TELO2: variants seen among roughly 807,000 people sequenced by gnomAD.
TELO2 encodes telomere length regulation protein TEL2 homolog.
In TELO2, 71 loss-of-function variants were observed where a neutral mutation model predicts 91.0. That is an observed-to-expected ratio of 0.78 (90% CI 0.64 to 0.95). The LOEUF is 0.95. Among genes scored for constraint, TELO2 ranks in the 40% least tolerant of loss-of-function variants. TELO2 has a pLI of 0.00. For synonymous variants in TELO2, 584 were observed against 518.9 expected, an observed-to-expected ratio of 1.13 and a Z score of -1.71; for missense variants, 1,183 against 1,141.3, an observed-to-expected ratio of 1.04 and a Z score of -0.53.
At chr16:1,506,118 GC>G in intron 16 of TELO2, 119 bp from the exon 17 acceptor site, 6 of 1,110,936 alleles carry the variant, frequency 5.4e-6, no homozygotes, top group Non-Finnish European at 7.9e-6. Context: ...CGGAAGAGTA[GC>G]CCGGGGAGGC....
chr16:1,507,236 G>A, intron 18 of TELO2, 70 bp from the exon 19 acceptor site: 2 of 1,577,398 alleles, frequency 1.3e-6, no homozygotes, highest in Non-Finnish European at 1.7e-6. Flanking sequence ...AGCAGCGGAA[G>A]CCGCCCATGG....
intron 3 of TELO2, 84 bp downstream of exon 3, chr16:1,495,707 C>G: frequency 6.7e-7 from 1 of 1,497,970 alleles, no homozygotes; most frequent in Non-Finnish European, 8.9e-7. Context: ...CTCACGGCCT[C>G]TGGAGACTTT....
At chr16:1,496,545 G>A (rs192888981) in intron 3 of TELO2, among the ~76,000 whole-genome samples, 36 of 152,328 alleles carry the variant, frequency 2.4e-4, no homozygotes, top group African/African-American at 7.7e-4. Context: ...GTCCCCACGC[G>A]GCTCTGTGCT....
rs750760448 is a variant in TELO2, at chr16:1,506,997, C to T, written c.2172C>T (p.Leu724=). 31 of 1,612,092 alleles carry T rather than the reference C, an allele frequency of 1.9e-5. No homozygotes were observed. The highest frequency in any genetic ancestry group is 6.7e-5 in the African/African-American group (5 of 74,898). ...FDLLGEDQLV[L]GRLAHTLGAL... ...TCTTGGGAGAAGACCAGCTGGTTCT[C>T]GGAAGGCTGGCGCACACCTTAGGGG... The change falls in exon 18 of 21, where the codon CTC becomes CTT. Residue 724 remains leucine, a synonymous_variant. Coordinates refer to ENST00000262319, the MANE Select transcript of TELO2 (RefSeq NM_016111.4).
rs1596246433 is a variant in TELO2 at position 1,494,212 on chromosome 16, G to T, written c.-36-34G>T. On this transcript the variant is annotated intron_variant, in intron 1 of 20. Coordinates refer to ENST00000262319, the MANE Select transcript of TELO2 (RefSeq NM_016111.4). This position sits in a 1 kb window ranked among gnomAD's most constrained non-coding sequence, Gnocchi z 5.6. The stretch of plus-strand genomic sequence containing the variant: ...TCCTGAGCTTGTGTGGATTATTTCC[G>T]TGCCCCAAGCTGAGCCCTGTGTCCA... 1.4e-6 allele frequency: 2 copies of T among 1,459,944 alleles called. No individual in the cohort carries two copies. The highest frequency in any genetic ancestry group is 2.3e-5 in the East Asian group (1 of 43,294). The allele number at this position is 1,459,944 out of a possible 1,614,324, so 90.4% of individuals were successfully genotyped here.
In TELO2 at chr16:1,497,249, G is replaced by A; in HGVS notation, c.683-112G>A. 6.7e-7 allele frequency: 1 copy of A among 1,489,938 alleles called. No homozygotes were observed. The highest frequency in any genetic ancestry group is 1.3e-5 in the South Asian group (1 of 75,780). 92.3% of individuals were successfully genotyped at this position (1,489,938 alleles called of 1,614,324 possible). A position where few individuals can be genotyped will look rare whatever the true frequency, so the allele number is the denominator to read the frequency against. On this transcript the variant is annotated intron_variant, in intron 4 of 20. Coordinates refer to ENST00000262319, the MANE Select transcript of TELO2 (RefSeq NM_016111.4). The surrounding 1 kb of genome is among the most constrained non-coding windows in gnomAD (Gnocchi z 4.0). ...CTGTCCTGGGCCCGTGGGATCTGGG[G>A]CTCAGCTGTGCTTACTGGGGAGCTG...
intron 6 of TELO2, 76 bp from the exon 7 acceptor site, chr16:1,500,020 G>A: frequency 2.0e-6 from 3 of 1,513,240 alleles, no homozygotes; most frequent in Non-Finnish European, 2.7e-6. Flanking sequence ...TCCTGGCATG[G>A]CTCTTGGCCT....
chr16:1,495,843 A>G (rs1476722452), intron 3 of TELO2, among the ~76,000 whole-genome samples: 1 of 152,236 alleles, frequency 6.6e-6, no homozygotes, highest in Non-Finnish European at 1.5e-5. Flanking sequence ...TTGTCCCTGC[A>G]GTCCCTTGGG....
chr16:1,499,465 TG>T lies in TELO2; in HGVS notation c.933+134del, dbSNP rs2039600108. ...TGATTTGGCAGTGGCTGGCAGGAGT[TG>T]GCGAGGCGGTGGGTGCCTCCCTGCC... On this transcript the variant is annotated intron_variant, in intron 6 of 20. Transcript: ENST00000262319. The T allele has an allele frequency of 4.1e-6, 4 of 986,842 alleles. No individual in the cohort carries two copies. The African/African-American group carries it at 4.8e-5, about 12-fold the overall frequency. 61.1% of individuals were successfully genotyped at this position (986,842 alleles called of 1,614,324 possible). A position where few individuals can be genotyped will look rare whatever the true frequency, so the allele number is the denominator to read the frequency against.
At chr16:1,500,214 G>A (rs749775547) in intron 7 of TELO2, 50 bp downstream of exon 7, 13 of 1,557,162 alleles carry the variant, frequency 8.3e-6, no homozygotes, top group African/African-American at 4.1e-5. Context: ...GAGAAGAGCC[G>A]TGCGGGGCTC....
At chr16:1,501,880 CTTCTCT>C (rs2039699435) in intron 11 of TELO2, 107 bp downstream of exon 11, 1 of 1,456,156 alleles carries the variant, frequency 6.9e-7, no homozygotes, top group South Asian at 1.2e-5. Context: ...CTCCGTGCTT[CTTCTCT>C]TTCGTCCTCA....
At position 1,507,610 on chromosome 16, in the gene TELO2, C is replaced by G; in HGVS notation, c.2301C>G (p.Arg767=). ...ALRFHIDAYV[R]QGLLSAVSSV... Reference sequence around the variant, plus strand: ...GCCTTCTTGCCGGCAGCTACGTGCGCCAGGGGCTGTTGTCGGCCGTCTCCT... The same window carrying G: ...GCCTTCTTGCCGGCAGCTACGTGCGGCAGGGGCTGTTGTCGGCCGTCTCCT... The change falls in exon 20 of 21, where the codon CGC becomes CGG. Residue 767 remains arginine, a synonymous_variant. Coordinates refer to ENST00000262319, the MANE Select transcript of TELO2 (RefSeq NM_016111.4). The G allele has an allele frequency of 6.3e-7, 1 of 1,591,582 alleles. No individual in the cohort carries two copies.
At position 1,494,331 on chromosome 16, in the gene TELO2, A is replaced by G; in HGVS notation, c.50A>G (p.His17Arg). The G allele has an allele frequency of 6.2e-7, 1 of 1,613,418 alleles. No individual in the cohort carries two copies. The highest frequency in any genetic ancestry group is 1.1e-5 in the South Asian group (1 of 91,070). ...EVRLAVREAI[H>R]ALSSSEDGGH... ...CGACTCGCCGTCCGGGAAGCCATTC[A>G]TGCCCTCTCGTCTTCGGAGGATGGC... Residue 17 changes from histidine (H) to arginine (R), a missense_variant, in exon 2 of 21, where the codon CAT becomes CGT. Coordinates refer to ENST00000262319, the MANE Select transcript of TELO2 (RefSeq NM_016111.4). The surrounding 1 kb of genome is among the most constrained non-coding windows in gnomAD (Gnocchi z 5.6).
Position 1,494,307 on chromosome 16 carries a change from G to C in TELO2, c.26G>C (p.Arg9Pro), listed in dbSNP as rs756106416. The change falls in exon 2 of 21, where the codon CGA (arginine) becomes CCA (proline). Residue 9 changes from arginine to proline, a missense_variant. Physicochemically the swap from Arg to Pro is moderately radical, Grantham distance 103. Coordinates refer to ENST00000262319, the MANE Select transcript of TELO2 (RefSeq NM_016111.4). This position sits in a 1 kb window ranked among gnomAD's most constrained non-coding sequence, Gnocchi z 5.6. ...ATGGAGCCAGCACCCTCAGAGGTTCGACTCGCCGTCCGGGAAGCCATTCAT... is the reference window on the plus strand; with the variant it reads ...ATGGAGCCAGCACCCTCAGAGGTTCCACTCGCCGTCCGGGAAGCCATTCAT... The part of the protein sequence containing the change: MEPAPSEV[R>P]LAVREAIHAL... The C allele has an allele frequency of 1.2e-6, 2 of 1,613,186 alleles. No individual in the cohort carries two copies. Among genetic ancestry groups the C allele is most frequent in the Non-Finnish European group, 1.7e-6 (2 of 1,179,846 alleles).
chr16:1,499,006 C>T (rs1009320013), intron 5 of TELO2, among the ~76,000 whole-genome samples: 25 of 152,202 alleles, frequency 1.6e-4, no homozygotes, highest in East Asian at 1.9e-4. Flanking sequence ...GACCCGCCTC[C>T]GCCCGGGCTG....
chr16:1,495,151 G>T (rs1304781693), intron 2 of TELO2, among the ~76,000 whole-genome samples, 195 bp from the exon 3 acceptor site: 1 of 152,204 alleles, frequency 6.6e-6, no homozygotes, highest in African/African-American at 2.4e-5. Context: ...TCAGGGCCCC[G>T]AGAGCTCTCA....
Position 1,507,044 on chromosome 16 carries a change from A to C in TELO2, c.2219A>C (p.Asn740Thr), listed in dbSNP as rs762545502. 1 of 1,608,218 alleles carries C rather than the reference A, an allele frequency of 6.2e-7. No homozygotes were observed. The highest frequency in any genetic ancestry group is 1.7e-4 in the Middle Eastern group (1 of 5,976). ...GGGGCCCTGATGTGCCTGGCTGTTA[A>C]CACCACGGTGAGCCGGGAGAGGTCG... ...TLGALMCLAV[N>T]TTVAVAMGKA... The change falls in exon 18 of 21, where the codon AAC becomes ACC. Residue 740 changes from asparagine (N) to threonine (T), a missense_variant. By Grantham distance (65) the Asn-to-Thr change is moderately conservative. Transcript: ENST00000262319.
In TELO2 at chr16:1,505,171, C is replaced by G. The variant is rs921117462; in HGVS notation, c.1843-239C>G. ...CGTGGCTTTAGGATGAGGCTGCGCT[C>G]GGCCCTGGGCGTGTTCTCATCTCCT... On this transcript the variant is annotated intron_variant, in intron 15 of 20. Coordinates refer to ENST00000262319, the MANE Select transcript of TELO2 (RefSeq NM_016111.4). This position sits in a 1 kb window ranked among gnomAD's most constrained non-coding sequence, Gnocchi z 4.3. 5.8e-6 allele frequency: 3 copies of G among 516,982 alleles called. No homozygotes were observed. Among genetic ancestry groups the G allele is most frequent in the Non-Finnish European group, 1.0e-5 (3 of 289,864 alleles). The allele number at this position is 516,982 out of a possible 1,614,324, so 32.0% of individuals were successfully genotyped here. A position where few individuals can be genotyped will look rare whatever the true frequency, so the allele number is the denominator to read the frequency against.
Position 1,495,544 on chromosome 16 carries a change from G to A in TELO2, c.534G>A (p.Glu178=). The stretch of plus-strand genomic sequence containing the variant: ...GCCTGCAGCAGGAGAACTTGGCCGA[G>A]TTCTTCCCCCAGAACTACTTCCGCC... The part of the protein sequence containing the change: ...GNRLQQENLA[E]FFPQNYFRLL... The change falls in exon 3 of 21, where the codon GAG becomes GAA. Residue 178 remains glutamate, a synonymous_variant. Transcript: ENST00000262319. 1 of 1,611,974 alleles carries A rather than the reference G, an allele frequency of 6.2e-7. No individual in the cohort carries two copies. Among genetic ancestry groups the A allele is most frequent in the Non-Finnish European group, 8.5e-7 (1 of 1,179,974 alleles).
Sources: allele counts gnomAD v4.1 joint callset (sites outside exome capture counted in the v4.1 genomes callset), GRCh38; gene constraint gnomAD v4.1.1; non-coding constraint Gnocchi (gnomAD v3.1); transcripts MANE v1.5; gene names NCBI Gene and HGNC (gene_info 2026-07-23, HGNC 2026-07-21).